The following SUPT3H variants were observed in gnomAD, a reference collection of about 807,000 sequenced individuals.
SUPT3H encodes the protein SPT3 homolog, SAGA and STAGA complex component.
Under a neutral mutation model 44.3 loss-of-function variants are expected in SUPT3H, and 44 were observed. The observed-to-expected ratio is 0.99, with a 90% CI of 0.78 to 1.28. The LOEUF is 1.28. SUPT3H is among the 50% of genes most tolerant of loss of function. The pLI, the probability that SUPT3H is intolerant of heterozygous loss-of-function variation, is 0.00. For synonymous variants in SUPT3H, 124 were observed against 125.6 expected, an observed-to-expected ratio of 0.99 and a Z score of 0.09; for missense variants, 380 against 387.1, an observed-to-expected ratio of 0.98 and a Z score of 0.15.
intron 2 of SUPT3H, among the ~76,000 whole-genome samples, chr6:45,320,483 T>C (rs1278429118): frequency 6.6e-6 from 1 of 151,674 alleles, no homozygotes. Context: ...CTCACCATGT[T>C]GCCCAGGCTG....
At position 45,056,067 on chromosome 6, in the gene SUPT3H, T is replaced by A. The variant is rs564881294; in HGVS notation, c.187-35435A>T. Among the ~76,000 whole-genome samples, 3 of 152,012 alleles carry A rather than the reference T, an allele frequency of 2.0e-5. No homozygotes were observed. The East Asian group carries it at 5.8e-4, about 29-fold the overall frequency. ...TATATACAAATGATCAACAAACATA[T>A]GAAAAAAATGTTCAACATCACTAAT... is the stretch of plus-strand genomic sequence containing the variant. On this transcript the variant is annotated intron_variant, in intron 3 of 10. Coordinates refer to ENST00000371459, the MANE Select transcript of SUPT3H (RefSeq NM_003599.4).
chr6:45,286,704 A>T (rs1779344645), intron 2 of SUPT3H, among the ~76,000 whole-genome samples: 1 of 152,162 alleles, frequency 6.6e-6, no homozygotes, highest in Admixed American at 6.5e-5. Flanking sequence ...GGGATCTTGA[A>T]CTGGAAATAC....
At chr6:44,938,427 AC>A (rs1388600531) in intron 9 of SUPT3H, among the ~76,000 whole-genome samples, 5 of 152,064 alleles carry the variant, frequency 3.3e-5, no homozygotes, top group Non-Finnish European at 7.4e-5. Context: ...TCTTCCATTG[AC>A]CTATGTGTCT....
At chr6:45,217,534 C>T (rs1280516242) in intron 2 of SUPT3H, among the ~76,000 whole-genome samples, 1 of 151,738 alleles carries the variant, frequency 6.6e-6, no homozygotes, top group Non-Finnish European at 1.5e-5. Flanking sequence ...TAGAATAAGT[C>T]ACATGTATGT....
chr6:45,366,890 T>C (rs1369208106), intron 1 of SUPT3H, among the ~76,000 whole-genome samples: 1 of 152,186 alleles, frequency 6.6e-6, no homozygotes, highest in African/African-American at 2.4e-5. Flanking sequence ...CTACATCTTC[T>C]ATCTCCATCT....
intron 2 of SUPT3H, among the ~76,000 whole-genome samples, chr6:45,264,262 T>C (rs1204824329): frequency 6.6e-6 from 1 of 152,182 alleles, no homozygotes; most frequent in Non-Finnish European, 1.5e-5. Flanking sequence ...CAGAATAAGA[T>C]TTCAGAAGAA....
intron 2 of SUPT3H, among the ~76,000 whole-genome samples, chr6:45,201,558 C>T (rs1439889318): frequency 2.6e-5 from 4 of 151,644 alleles, no homozygotes; most frequent in Admixed American, 2.0e-4. Flanking sequence ...AAAACATAAT[C>T]GGAATAATTT....
intron 2 of SUPT3H, among the ~76,000 whole-genome samples, chr6:45,345,751 C>T (rs1420556187): frequency 6.6e-6 from 1 of 152,182 alleles, no homozygotes; most frequent in Non-Finnish European, 1.5e-5. Flanking sequence ...TCAATGCACA[C>T]CGTACCTTTA....
At chr6:45,253,132 A>G (rs191547918) in intron 2 of SUPT3H, among the ~76,000 whole-genome samples, 234 of 152,304 alleles carry the variant, frequency 1.5e-3, no homozygotes, top group African/African-American at 5.2e-3. Context: ...CTATAAACAT[A>G]TAAGTTTATT....
intron 6 of SUPT3H, among the ~76,000 whole-genome samples, chr6:44,992,679 G>A (rs565923069): frequency 6.6e-6 from 1 of 152,178 alleles, no homozygotes; most frequent in East Asian, 1.9e-4. Flanking sequence ...ATAGGGGGAA[G>A]AAAACTTTTA....
intron 5 of SUPT3H, among the ~76,000 whole-genome samples, chr6:45,006,443 G>T (rs530773019): frequency 1.3e-5 from 2 of 151,784 alleles, no homozygotes; most frequent in South Asian, 2.1e-4. Context: ...ATTTGAAATT[G>T]TAATATACTT....
At chr6:45,361,110 A>G (rs1794176113) in intron 2 of SUPT3H, among the ~76,000 whole-genome samples, 1 of 152,202 alleles carries the variant, frequency 6.6e-6, no homozygotes. Context: ...TCTCAAAAAT[A>G]CAAAGGTAAT....
chr6:45,200,047 G>C (rs1762237378), intron 2 of SUPT3H, among the ~76,000 whole-genome samples: 1 of 151,316 alleles, frequency 6.6e-6, no homozygotes, highest in Non-Finnish European at 1.5e-5. Flanking sequence ...AACCAAATCA[G>C]AGACTGTAAG....
chr6:44,990,724 T>C (rs1780497408), intron 6 of SUPT3H, among the ~76,000 whole-genome samples: 1 of 152,148 alleles, frequency 6.6e-6, no homozygotes, highest in Non-Finnish European at 1.5e-5. Context: ...ACCTCATTTC[T>C]TTGTCTCTCC....
At chr6:45,212,285 C>A (rs989599280) in intron 2 of SUPT3H, among the ~76,000 whole-genome samples, 4 of 152,054 alleles carry the variant, frequency 2.6e-5, no homozygotes, top group Admixed American at 2.0e-4. Context: ...TTGTTCTTCC[C>A]CGAACTTTTA....
chr6:45,250,278 T>A (rs1351022962), intron 2 of SUPT3H, among the ~76,000 whole-genome samples: 2 of 151,404 alleles, frequency 1.3e-5, no homozygotes, highest in African/African-American at 4.9e-5. Context: ...GACAAATATC[T>A]AAGGCAGACA....
At chr6:45,251,395 GCA>G (rs70996313) in intron 2 of SUPT3H, among the ~76,000 whole-genome samples, 21,229 of 144,702 alleles carry the variant, frequency 0.15, 2,689 homozygotes, top group African/African-American at 0.34. Context: ...AAGAGAAGCT[GCA>G]CACACACACA....
At chr6:45,022,041 C>A (rs890846551) in intron 3 of SUPT3H, among the ~76,000 whole-genome samples, 1 of 151,914 alleles carries the variant, frequency 6.6e-6, no homozygotes, top group African/African-American at 2.4e-5. Context: ...AATATATGTG[C>A]ACATGCTTTT....
chr6:45,187,047 A>C (rs1217046978), intron 2 of SUPT3H, among the ~76,000 whole-genome samples: 1 of 147,104 alleles, frequency 6.8e-6, no homozygotes, highest in African/African-American at 2.5e-5. Flanking sequence ...CGGCCAGTAG[A>C]TACCTTGAGC....
Sources: allele counts gnomAD v4.1 joint callset (sites outside exome capture counted in the v4.1 genomes callset), GRCh38; gene constraint gnomAD v4.1.1; transcripts MANE v1.5; gene names NCBI Gene and HGNC (gene_info 2026-07-23, HGNC 2026-07-21).